The following ZNF385D variants were observed in gnomAD, a reference collection of about 807,000 sequenced individuals.
ZNF385D encodes the protein zinc finger protein 659.
In ZNF385D, 15 loss-of-function variants were observed where a neutral mutation model predicts 35.8. That is an observed-to-expected ratio of 0.42 (90% confidence interval 0.28 to 0.64). The LOEUF (loss-of-function observed/expected upper bound fraction) is 0.64. Ranked by LOEUF, ZNF385D falls within the 30% of genes least tolerant of loss-of-function variation. ZNF385D has a pLI of 0.23. For synonymous variants in ZNF385D, 212 were observed against 186.8 expected (o/e 1.13, Z -1.10); for missense variants, 474 against 494.6 (o/e 0.96, Z 0.39).
intron 2 of ZNF385D, among the ~76,000 whole-genome samples, chr3:21,654,418 C>T (rs2066012157): frequency 6.6e-6 from 1 of 152,088 alleles, no homozygotes; most frequent in African/African-American, 2.4e-5. Context: ...CATTGGCACA[C>T]CTCTTCAGGA....
intron 3 of ZNF385D, among the ~76,000 whole-genome samples, chr3:21,900,170 T>C (rs1411060919): frequency 6.6e-6 from 1 of 152,178 alleles, no homozygotes; most frequent in African/African-American, 2.4e-5. Context: ...AGATACTTTC[T>C]ATGTTTCAAC....
intron 5 of ZNF385D, among the ~76,000 whole-genome samples, chr3:21,436,076 T>C (rs1426539558): frequency 2.6e-5 from 4 of 152,150 alleles, no homozygotes; most frequent in South Asian, 2.1e-4. Flanking sequence ...CCCAGTCTTT[T>C]TGAGAAAAGT....
intron 3 of ZNF385D, among the ~76,000 whole-genome samples, chr3:22,047,221 T>C (rs950410368): frequency 2.0e-5 from 3 of 152,144 alleles, no homozygotes; most frequent in Admixed American, 6.5e-5. Context: ...AGTTTGATCA[T>C]GCATCAGCTC....
chr3:21,834,748 G>C (rs1389356590), intron 3 of ZNF385D, among the ~76,000 whole-genome samples: 1 of 127,284 alleles, frequency 7.9e-6, no homozygotes, highest in Non-Finnish European at 1.6e-5. Flanking sequence ...CGTGTCGACA[G>C]TGGGATCTCG....
intron 3 of ZNF385D, among the ~76,000 whole-genome samples, chr3:22,093,950 C>T (rs1431046417): frequency 3.9e-5 from 6 of 152,100 alleles, no homozygotes; most frequent in African/African-American, 7.2e-5. Context: ...AACAGCTCCC[C>T]ACCCACTTGG....
Position 22,222,110 on chromosome 3 carries a change from G to T in ZNF385D, c.107-53075C>A, listed in dbSNP as rs190066771. Among the ~76,000 whole-genome samples the T allele has an allele frequency of 5.1e-3, 773 of 152,132 alleles. 1 individual carries two copies. The highest frequency in any genetic ancestry group is 0.018 in the African/African-American group (749 of 41,492). ...TCCTGCCTCACTCTCCCGAGTAGCT[G>T]GGATTACAGGCACATACCACCACTC... On this transcript the variant is annotated intron_variant, in intron 2 of 5. Transcript: ENST00000494108.
intron 3 of ZNF385D, among the ~76,000 whole-genome samples, chr3:22,072,427 C>A (rs773757932): frequency 6.6e-6 from 1 of 152,048 alleles, no homozygotes; most frequent in African/African-American, 2.4e-5. Flanking sequence ...CAGAATGAAG[C>A]ACTCTCTAAA....
intron 4 of ZNF385D, among the ~76,000 whole-genome samples, chr3:21,502,184 C>G (rs1343157536): frequency 1.3e-5 from 2 of 152,194 alleles, no homozygotes; most frequent in Non-Finnish European, 2.9e-5. Flanking sequence ...GTCATTAAGG[C>G]TCTTCCAAGA....
At chr3:22,221,390 C>T (rs1244437885) in intron 2 of ZNF385D, among the ~76,000 whole-genome samples, 1 of 152,026 alleles carries the variant, frequency 6.6e-6, no homozygotes, top group African/African-American at 2.4e-5. Context: ...TATACCCCCC[C>T]ACCTCATTTA....
chr3:22,065,646 T>C lies in ZNF385D; in HGVS notation c.325+103171A>G, dbSNP rs80315154. Among the ~76,000 whole-genome samples, 838 of 139,896 alleles carry C rather than the reference T, an allele frequency of 6.0e-3. 14 individuals carry two copies. The highest frequency in any genetic ancestry group is 0.021 in the African/African-American group (790 of 37,646). 91.8% of individuals were successfully genotyped at this position (139,896 alleles called of 152,430 possible). On this transcript the variant is annotated intron_variant, in intron 3 of 5. Transcript: ENST00000494108. ...GTGTGTGGAGCTCGCAAGTGGTGAG[T>C]TCAGTTAGGCAAATACACAGGACCA... is the stretch of plus-strand genomic sequence containing the variant.
intron 2 of ZNF385D, among the ~76,000 whole-genome samples, chr3:22,251,205 T>G (rs536296175): frequency 3.9e-5 from 6 of 152,266 alleles, no homozygotes; most frequent in Non-Finnish European, 7.4e-5. Flanking sequence ...AAAGTAGACG[T>G]GAAAAGAAGA....
At chr3:21,576,687 C>T (rs1397338453) in intron 2 of ZNF385D, among the ~76,000 whole-genome samples, 1 of 152,000 alleles carries the variant, frequency 6.6e-6, no homozygotes, top group Admixed American at 6.6e-5. Context: ...TATTCCTTTC[C>T]CTGGAACCCA....
chr3:21,534,346 A>G (rs2061989319), intron 3 of ZNF385D, among the ~76,000 whole-genome samples: 1 of 152,098 alleles, frequency 6.6e-6, no homozygotes, highest in South Asian at 2.1e-4. Flanking sequence ...ATTTGAACAG[A>G]TTGTTCCATC....
intron 2 of ZNF385D, among the ~76,000 whole-genome samples, chr3:22,309,033 T>C (rs970747987): frequency 3.3e-5 from 5 of 152,238 alleles, no homozygotes; most frequent in Admixed American, 6.6e-5. Flanking sequence ...TGTACTTGTA[T>C]GAAAATACTG....
chr3:21,421,841 C>A (rs1220225931), intron 7 of ZNF385D, among the ~76,000 whole-genome samples: 1 of 152,122 alleles, frequency 6.6e-6, no homozygotes, highest in Non-Finnish European at 1.5e-5. Flanking sequence ...CTGTCAAATG[C>A]CATTCGACTA....
In ZNF385D at chr3:21,496,793, C is replaced by A. The variant is rs571986284; in HGVS notation, c.439+14068G>T. Among the ~76,000 whole-genome samples the A allele has an allele frequency of 1.5e-3, 234 of 151,770 alleles. 1 individual carries two copies. In the Middle Eastern group the frequency reaches 0.027, roughly 18 times the overall value. ...ACTCATCACATAAAGAGAACAAAGA[C>A]AAAACTGCATGATTATTTTGATAGA... On this transcript the variant is annotated intron_variant, in intron 4 of 7. Coordinates refer to ENST00000281523, the MANE Select transcript of ZNF385D (RefSeq NM_024697.3).
At chr3:21,851,655 C>T (rs2125810931) in intron 3 of ZNF385D, among the ~76,000 whole-genome samples, 1 of 151,994 alleles carries the variant, frequency 6.6e-6, no homozygotes, top group South Asian at 2.1e-4. Context: ...TTAATAATAG[C>T]TGATTAAAAG....
At chr3:22,130,287 A>G (rs999412505) in intron 3 of ZNF385D, among the ~76,000 whole-genome samples, 4 of 152,134 alleles carry the variant, frequency 2.6e-5, no homozygotes, top group Admixed American at 1.3e-4. Flanking sequence ...GTATCCCCTT[A>G]GCCAACCCAG....
intron 3 of ZNF385D, among the ~76,000 whole-genome samples, chr3:21,926,156 T>C (rs1211618386): frequency 6.6e-6 from 1 of 152,182 alleles, no homozygotes; most frequent in Non-Finnish European, 1.5e-5. Context: ...TTTTTATACT[T>C]TAAGTTCTGG....
Sources: allele counts gnomAD v4.1 joint callset (sites outside exome capture counted in the v4.1 genomes callset), GRCh38; gene constraint gnomAD v4.1.1; transcripts MANE v1.5; gene names NCBI Gene and HGNC (gene_info 2026-07-23, HGNC 2026-07-21).